KIFC3: variants seen among roughly 807,000 people sequenced by gnomAD.
The protein encoded by KIFC3 is kinesin-like protein KIFC3.
A neutral mutation model predicts 101.8 loss-of-function variants in KIFC3; 60 were observed. The observed-to-expected ratio is 0.59, with a 90% CI of 0.48 to 0.73. The LOEUF (loss-of-function observed/expected upper bound fraction) is 0.73, where lower values mean the gene tolerates loss of function less well. Ranked by LOEUF, KIFC3 falls within the 30% of genes least tolerant of loss-of-function variation. KIFC3 has a pLI of 0.00. For missense variants in KIFC3, 966 were observed against 1,137.1 expected, an observed-to-expected ratio of 0.85 and a Z score of 2.16; for synonymous variants, 476 against 482.7, an observed-to-expected ratio of 0.99 and a Z score of 0.18.
chr16:57,837,937 G>A (rs558687904), intron 1 of KIFC3, among the ~76,000 whole-genome samples: 1 of 152,310 alleles, frequency 6.6e-6, no homozygotes, highest in Admixed American at 6.5e-5. Context: ...CCTTGGCAGA[G>A]CGCAGCCCAG....
chr16:57,839,311 G>A (rs1000557846), intron 1 of KIFC3, among the ~76,000 whole-genome samples: 38 of 152,308 alleles, frequency 2.5e-4, no homozygotes, highest in African/African-American at 9.1e-4. Flanking sequence ...AGGCCAAGGC[G>A]GGAGGATCCC....
intron 1 of KIFC3, among the ~76,000 whole-genome samples, chr16:57,811,316 T>C (rs564824176): frequency 2.1e-4 from 32 of 152,266 alleles, no homozygotes; most frequent in Middle Eastern, 3.4e-3. Context: ...CTAAAAACTA[T>C]TGGATTGTAC....
At chr16:57,807,561 C>G (rs1568071914), upstream of KIFC3, 1 of 152,446 alleles carries the variant, frequency 6.6e-6, no homozygotes. Context: ...ACTCTTTTCT[C>G]TCCCTCTCAC....
chr16:57,807,257 G>A (rs1300109510), upstream of KIFC3, among the ~76,000 whole-genome samples: 3 of 152,012 alleles, frequency 2.0e-5, no homozygotes, highest in Non-Finnish European at 4.4e-5. Flanking sequence ...GCTCTTGGAG[G>A]TGAAGAGCCT....
chr16:57,804,667 A>G (rs147524672), upstream of KIFC3, among the ~76,000 whole-genome samples: 202 of 152,066 alleles, frequency 1.3e-3, 3 homozygotes, highest in East Asian at 0.029. Context: ...ATAGCTCACT[A>G]TAGCCCCGAA....
intron 3 of KIFC3, chr16:57,774,684 G>A (rs2967164): frequency 0.63 from 199,026 of 317,084 alleles, 65,372 homozygotes; most frequent in Non-Finnish European, 0.7. Context: ...CATCACGCCC[G>A]GCTAATTTTT....
At chr16:57,804,766 T>C (rs1347095745), upstream of KIFC3, among the ~76,000 whole-genome samples, 1 of 151,980 alleles carries the variant, frequency 6.6e-6, no homozygotes, top group Non-Finnish European at 1.5e-5. Context: ...ATTTTTTTTT[T>C]TTTTAAGTAG....
At chr16:57,781,947 C>G in intron 3 of KIFC3, 1 of 985,452 alleles carries the variant, frequency 1.0e-6, no homozygotes, top group Non-Finnish European at 1.2e-6. Flanking sequence ...CTTGCAGGAA[C>G]AGCAGTGTGA....
At chr16:57,782,721 A>G (rs1303483216) in intron 3 of KIFC3, among the ~76,000 whole-genome samples, 3 of 152,230 alleles carry the variant, frequency 2.0e-5, no homozygotes, top group African/African-American at 7.2e-5. Flanking sequence ...AGGCGGGTGG[A>G]TCACCTGAGG....
chr16:57,800,922 C>A (rs2911352), intron 1 of KIFC3, among the ~76,000 whole-genome samples: 1 of 151,908 alleles, frequency 6.6e-6, no homozygotes, highest in Non-Finnish European at 1.5e-5. Context: ...GGTTCAGAAC[C>A]TGGCTCCCCT....
chr16:57,798,063 C>G lies in KIFC3; in HGVS notation c.172+9G>C. 2 of 1,590,290 alleles carry G rather than the reference C, an allele frequency of 1.3e-6. No homozygotes were observed. Among genetic ancestry groups the G allele is most frequent in the Non-Finnish European group, 1.7e-6 (2 of 1,168,562 alleles). On this transcript the variant is annotated intron_variant, in intron 2 of 19. Coordinates refer to ENST00000445690, the MANE Select transcript of KIFC3 (RefSeq NM_001130100.2). ...GAAATAAAGAGGCATTTTAAAAATG[C>G]GGACTCACCAGTTCTCAACCTCCCC...
chr16:57,826,412 C>T (rs782550471), intron 1 of KIFC3, among the ~76,000 whole-genome samples: 1 of 152,166 alleles, frequency 6.6e-6, no homozygotes, highest in Non-Finnish European at 1.5e-5. Flanking sequence ...ATACCTAGAT[C>T]TTTTATCTCA....
upstream of KIFC3, chr16:57,803,168 T>A: frequency 1.2e-6 from 1 of 835,530 alleles, no homozygotes; most frequent in Non-Finnish European, 2.0e-6. Context: ...CTGGAGTCCC[T>A]TAAGGTAAAA....
chr16:57,826,529 T>A (rs2055460354), intron 1 of KIFC3, among the ~76,000 whole-genome samples: 1 of 152,020 alleles, frequency 6.6e-6, no homozygotes, highest in African/African-American at 2.4e-5. Flanking sequence ...CACCACTCTT[T>A]TGAAAATTTC....
intron 1 of KIFC3, among the ~76,000 whole-genome samples, chr16:57,849,902 TCAA>T (rs1377601396): frequency 7.3e-5 from 11 of 150,644 alleles, no homozygotes; most frequent in African/African-American, 2.7e-4. Flanking sequence ...AAACTCCATC[TCAA>T]CAACAACAAA....
chr16:57,850,943 CT>C (rs2056038957), intron 1 of KIFC3, among the ~76,000 whole-genome samples: 1 of 49,936 alleles, frequency 2.0e-5, no homozygotes, highest in African/African-American at 5.5e-5. Context: ...CTTTCCTTCC[CT>C]CCCTCCTTCC....
chr16:57,774,351 T>C (rs1286883571), intron 3 of KIFC3: 4 of 152,234 alleles, frequency 2.6e-5, no homozygotes, highest in African/African-American at 9.7e-5. Context: ...ACATAGACTA[T>C]TCTGTCATCA....
intron 3 of KIFC3, among the ~76,000 whole-genome samples, chr16:57,790,587 C>T (rs1315175915): frequency 1.3e-5 from 2 of 152,116 alleles, no homozygotes; most frequent in Admixed American, 6.5e-5. Flanking sequence ...AGCTGTGTGA[C>T]GGTCGGCAAG....
Position 57,769,583 on chromosome 16 carries a change from GC to G in KIFC3, c.1218+11del. ...CTTAGCCTGGACCCTCCCACCCACT[GC>G]CCTCGCTCACCTCGGCCTTGACACT... On this transcript the variant is annotated intron_variant, in intron 9 of 19. Coordinates refer to ENST00000445690, the MANE Select transcript of KIFC3 (RefSeq NM_001130100.2). This position sits in a 1 kb window ranked among gnomAD's most constrained non-coding sequence, Gnocchi z 4.3. 2 of 1,605,962 alleles carry G rather than the reference GC, an allele frequency of 1.2e-6. No individual in the cohort carries two copies.
Sources: gnomAD v4.1 joint callset for allele counts (sites outside exome capture counted in the v4.1 genomes callset) on GRCh38, gnomAD v4.1.1 for gene constraint, Gnocchi (gnomAD v3.1) non-coding constraint, MANE v1.5 for transcripts, NCBI Gene and HGNC (gene_info 2026-07-23, HGNC 2026-07-21) for gene names.